SCAPER: variants seen among roughly 807,000 people sequenced by gnomAD.
SCAPER encodes S-phase cyclin A associated protein in the ER.
Under a neutral mutation model 182.2 loss-of-function variants are expected in SCAPER, and 98 were observed. The observed-to-expected ratio is 0.54, with a 90% CI of 0.46 to 0.64. SCAPER has a LOEUF of 0.64. Among genes scored for constraint, SCAPER ranks in the 30% least tolerant of loss-of-function variants. The pLI, the probability that SCAPER is intolerant of heterozygous loss-of-function variation, is 0.00. For synonymous variants in SCAPER, 605 were observed against 564.6 expected, an observed-to-expected ratio of 1.07 and a Z score of -1.01; for missense variants, 1,432 against 1,690.0, an observed-to-expected ratio of 0.85 and a Z score of 2.68.
chr15:76,742,649 A>G (rs2061610472), intron 15 of SCAPER, among the ~76,000 whole-genome samples: 1 of 151,948 alleles, frequency 6.6e-6, no homozygotes, highest in Non-Finnish European at 1.5e-5. Context: ...TCAGGCTGCA[A>G]TATTAATCAC....
chr15:76,607,653 C>A (rs1466426945), intron 22 of SCAPER, among the ~76,000 whole-genome samples: 1 of 152,182 alleles, frequency 6.6e-6, no homozygotes, highest in African/African-American at 2.4e-5. Flanking sequence ...TTCAGGTACA[C>A]CAATCAGACG....
At chr15:76,656,078 G>T (rs2055608703) in intron 21 of SCAPER, among the ~76,000 whole-genome samples, 1 of 152,114 alleles carries the variant, frequency 6.6e-6, no homozygotes, top group South Asian at 2.1e-4. Context: ...AAATGTAAAT[G>T]AAAATAATGC....
At chr15:76,880,072 C>G (rs2073435230) in intron 2 of SCAPER, among the ~76,000 whole-genome samples, 2 of 152,168 alleles carry the variant, frequency 1.3e-5, no homozygotes, top group African/African-American at 2.4e-5. Context: ...AAATTGATAA[C>G]TTAGGTTTGC....
At chr15:76,824,404 C>A (rs181200907) in intron 5 of SCAPER, among the ~76,000 whole-genome samples, 6 of 152,294 alleles carry the variant, frequency 3.9e-5, no homozygotes, top group African/African-American at 1.4e-4. Flanking sequence ...GGCCCTTGGG[C>A]CCACGACATC....
chr15:76,599,588 A>G lies in SCAPER; in HGVS notation c.2711+22176T>C, dbSNP rs573768858. On this transcript the variant is annotated intron_variant, in intron 22 of 31. Coordinates refer to ENST00000563290, the MANE Select transcript of SCAPER (RefSeq NM_020843.4). ...GATAAACACAACATGGGTGAAACACAAAAACATGCTGAATGAAAGAAGGCT... is the reference window on the plus strand; with the variant it reads ...GATAAACACAACATGGGTGAAACACGAAAACATGCTGAATGAAAGAAGGCT... Among the ~76,000 whole-genome samples, 77 of 122,642 alleles carry G rather than the reference A, an allele frequency of 6.3e-4. 5 individuals are homozygous for G. The highest frequency in any genetic ancestry group is 1.8e-3 in the African/African-American group (71 of 40,120). 80.5% of individuals were successfully genotyped at this position (122,642 alleles called of 152,430 possible). A position where few individuals can be genotyped will look rare whatever the true frequency, so the allele number is the denominator to read the frequency against.
chr15:76,557,805 T>C lies in SCAPER; in HGVS notation c.2838+16353A>G, dbSNP rs181308310. On this transcript the variant is annotated intron_variant, in intron 23 of 31. Transcript: ENST00000563290. ...TGGTACTGGTATAAAAACAGATACA[T>C]AGACCAATGGAATAGAATAGACAGC... is the stretch of plus-strand genomic sequence containing the variant. Among the ~76,000 whole-genome samples, 341 of 152,236 alleles carry C rather than the reference T, an allele frequency of 2.2e-3. 1 individual carries two copies. Among genetic ancestry groups the C allele is most frequent in the African/African-American group, 7.8e-3 (326 of 41,536 alleles).
chr15:76,723,015 G>C (rs2060354636), intron 17 of SCAPER, among the ~76,000 whole-genome samples: 2 of 152,060 alleles, frequency 1.3e-5, no homozygotes, highest in South Asian at 4.2e-4. Context: ...TTTTAATTGT[G>C]ATGTTAGGGT....
chr15:76,861,681 T>C (rs1480068447), intron 3 of SCAPER, among the ~76,000 whole-genome samples: 1 of 152,172 alleles, frequency 6.6e-6, no homozygotes, highest in Non-Finnish European at 1.5e-5. Context: ...TTACATTAAA[T>C]TGCACCTAAT....
At position 76,489,886 on chromosome 15, in the gene SCAPER, T is replaced by C. The variant is rs566320818; in HGVS notation, c.2954+14973A>G. On this transcript the variant is annotated intron_variant, in intron 24 of 31. Coordinates refer to ENST00000563290, the MANE Select transcript of SCAPER (RefSeq NM_020843.4). ...TTTTAGATACCTCATATAAACAAAATCATGGAGTATTTGTCCTTGTGTGAA... is the reference window on the plus strand; with the variant it reads ...TTTTAGATACCTCATATAAACAAAACCATGGAGTATTTGTCCTTGTGTGAA... 2.3e-3 allele frequency among the ~76,000 whole-genome samples: 357 copies of C among 152,340 alleles called. 2 individuals are homozygous for C. Among genetic ancestry groups the C allele is most frequent in the Non-Finnish European group, 3.5e-3 (239 of 68,024 alleles).
intron 4 of SCAPER, among the ~76,000 whole-genome samples, chr15:76,852,725 A>G (rs893576909): frequency 6.6e-6 from 1 of 152,224 alleles, no homozygotes. Flanking sequence ...CTAAACACCC[A>G]CATCAAAAAG....
At chr15:76,459,972 T>C (rs1466660731) in intron 25 of SCAPER, among the ~76,000 whole-genome samples, 3 of 152,128 alleles carry the variant, frequency 2.0e-5, no homozygotes, top group African/African-American at 7.2e-5. Flanking sequence ...CAAAAATCAG[T>C]TGGCTGCAAA....
At chr15:76,527,888 C>G (rs1433343631) in intron 23 of SCAPER, among the ~76,000 whole-genome samples, 1 of 152,074 alleles carries the variant, frequency 6.6e-6, no homozygotes, top group African/African-American at 2.4e-5. Context: ...TATAAACTTA[C>G]TGTGTCAAGA....
At chr15:76,377,519 T>A (rs904330224) in intron 28 of SCAPER, among the ~76,000 whole-genome samples, 1 of 152,226 alleles carries the variant, frequency 6.6e-6, no homozygotes, top group Non-Finnish European at 1.5e-5. Flanking sequence ...AAGGAAACTA[T>A]ATTTCCTTTT....
At position 76,348,392 on chromosome 15, in the gene SCAPER, G is replaced by A. The variant is rs930832372; in HGVS notation, c.*241C>T. 6 of 297,912 alleles carry A rather than the reference G, an allele frequency of 2.0e-5. No individual in the cohort carries two copies. The highest frequency in any genetic ancestry group is 4.7e-5 in the Admixed American group (1 of 21,174). The allele number at this position is 297,912 out of a possible 1,614,324, so 18.5% of individuals were successfully genotyped here. A position where few individuals can be genotyped will look rare whatever the true frequency, so the allele number is the denominator to read the frequency against. On this transcript the variant is annotated 3_prime_UTR_variant, in exon 32 of 32. Transcript: ENST00000563290. ...AAATGCAAAGTATATATTATCATAA[G>A]ATGGAAATTACCAAACTCCAAGATA...
intron 26 of SCAPER, among the ~76,000 whole-genome samples, chr15:76,407,112 G>T (rs1264887099): frequency 1.3e-5 from 2 of 152,196 alleles, no homozygotes; most frequent in East Asian, 3.8e-4. Flanking sequence ...GGCATATGGG[G>T]ACGCATTCTG....
intron 29 of SCAPER, among the ~76,000 whole-genome samples, chr15:76,366,341 G>A (rs1377850731): frequency 2.0e-5 from 3 of 152,220 alleles, no homozygotes; most frequent in African/African-American, 7.2e-5. Flanking sequence ...TGCATGGGCT[G>A]ATAGGTTTTC....
chr15:76,524,411 A>G (rs934987526), intron 23 of SCAPER, among the ~76,000 whole-genome samples: 1 of 152,194 alleles, frequency 6.6e-6, no homozygotes, highest in African/African-American at 2.4e-5. Context: ...CAGAGTTCAA[A>G]GAAGAGAAGA....
chr15:76,392,324 T>C (rs977217272), intron 27 of SCAPER, among the ~76,000 whole-genome samples: 8 of 152,212 alleles, frequency 5.3e-5, no homozygotes, highest in Non-Finnish European at 7.3e-5. Flanking sequence ...AAAAATAGCA[T>C]CTTAGACAAG....
At chr15:76,859,656 CT>C (rs1403434210) in intron 3 of SCAPER, among the ~76,000 whole-genome samples, 1 of 152,076 alleles carries the variant, frequency 6.6e-6, no homozygotes, top group African/African-American at 2.4e-5. Flanking sequence ...TGTTAATATT[CT>C]TCTTTTGTCA....
Sources: gnomAD v4.1 joint callset for allele counts (sites outside exome capture counted in the v4.1 genomes callset) on GRCh38, gnomAD v4.1.1 for gene constraint, MANE v1.5 for transcripts, NCBI Gene and HGNC (gene_info 2026-07-23, HGNC 2026-07-21) for gene names.